The following PRIMA1 variants were observed in gnomAD, a reference collection of about 807,000 sequenced individuals.
PRIMA1 encodes proline rich membrane anchor 1.
A neutral mutation model predicts 17.5 loss-of-function variants in PRIMA1; 7 were observed. The ratio of observed to expected loss-of-function variants is 0.40; its 90% CI spans 0.23 to 0.75. PRIMA1 has a LOEUF of 0.75. Ranked by LOEUF, PRIMA1 falls within the 30% of genes least tolerant of loss-of-function variation. The probability of loss-of-function intolerance (pLI) is 0.37; values close to 1 mark genes in which losing one functional copy is unlikely to be tolerated. For missense variants in PRIMA1, 200 were observed against 201.8 expected, an observed-to-expected ratio of 0.99 and a Z score of 0.05; for synonymous variants, 97 against 77.9, an observed-to-expected ratio of 1.25 and a Z score of -1.29.
At chr14:93,729,796 G>A (rs1468880633) in intron 4 of PRIMA1, among the ~76,000 whole-genome samples, 1 of 152,186 alleles carries the variant, frequency 6.6e-6, no homozygotes, top group Non-Finnish European at 1.5e-5. Context: ...TGCGCAGGTG[G>A]GAGAGAGGCT....
chr14:93,727,452 G>C (rs1475844085), intron 4 of PRIMA1, among the ~76,000 whole-genome samples: 1 of 152,196 alleles, frequency 6.6e-6, no homozygotes, highest in Non-Finnish European at 1.5e-5. Context: ...CTCAGGCCTC[G>C]GTGACTGTCC....
At chr14:93,733,053 T>C (rs1026995541) in intron 4 of PRIMA1, among the ~76,000 whole-genome samples, 13 of 152,120 alleles carry the variant, frequency 8.5e-5, no homozygotes, top group African/African-American at 3.1e-4. Context: ...CCCGGGGCAA[T>C]GAAGCCACCA....
chr14:93,774,275 G>A (rs935880032), intron 3 of PRIMA1, among the ~76,000 whole-genome samples: 1 of 152,132 alleles, frequency 6.6e-6, no homozygotes, highest in Non-Finnish European at 1.5e-5. Flanking sequence ...CAGGACCTTC[G>A]GGGCTAAAAC....
Position 93,769,679 on chromosome 14 carries a change from G to A in PRIMA1, c.229+9497C>T, listed in dbSNP as rs151095758. ...ACTGGCTTCACTTGCTGTGCCTGTC[G>A]CTCAGCTTTGCGACCCACCAGGCCT... is the stretch of plus-strand genomic sequence containing the variant. On this transcript the variant is annotated intron_variant, in intron 3 of 4. Transcript: ENST00000393140. 1.1e-4 allele frequency among the ~76,000 whole-genome samples: 17 copies of A among 152,266 alleles called. No individual in the cohort carries two copies. In the East Asian group the frequency reaches 3.1e-3, roughly 28 times the overall value.
chr14:93,760,543 C>T (rs547108042), intron 3 of PRIMA1, among the ~76,000 whole-genome samples: 1 of 152,282 alleles, frequency 6.6e-6, no homozygotes, highest in African/African-American at 2.4e-5. Flanking sequence ...GGCAGCCATC[C>T]CTGATGGCTC....
chr14:93,753,274 G>A (rs1044838849), intron 3 of PRIMA1, among the ~76,000 whole-genome samples: 6 of 152,220 alleles, frequency 3.9e-5, no homozygotes, highest in Admixed American at 1.3e-4. Context: ...GCTACTCAGA[G>A]GCTGTGCAGT....
intron 4 of PRIMA1, among the ~76,000 whole-genome samples, chr14:93,730,589 C>T (rs780342384): frequency 6.6e-6 from 1 of 152,162 alleles, no homozygotes; most frequent in Admixed American, 6.5e-5. Context: ...TGGCCCTTGA[C>T]CATGAAGGTT....
chr14:93,737,216 C>G, intron 4 of PRIMA1, 25 bp downstream of exon 4: 1 of 1,612,358 alleles, frequency 6.2e-7, no homozygotes, highest in East Asian at 2.2e-5. Context: ...CGGCTTGAAG[C>G]TGGGTGCAGT....
intron 3 of PRIMA1, among the ~76,000 whole-genome samples, chr14:93,757,198 A>G (rs1271918255): frequency 7.0e-6 from 1 of 143,280 alleles, no homozygotes; most frequent in Non-Finnish European, 1.5e-5. Context: ...TGGGTTTAAA[A>G]AAAGGAAGGA....
At chr14:93,779,767 C>A (rs1402169251) in intron 2 of PRIMA1, among the ~76,000 whole-genome samples, 3 of 152,228 alleles carry the variant, frequency 2.0e-5, no homozygotes, top group Non-Finnish European at 4.4e-5. Context: ...GCCTTCTCTC[C>A]AGCCCTCGCT....
chr14:93,772,145 G>C (rs1885089051), intron 3 of PRIMA1, among the ~76,000 whole-genome samples: 1 of 152,218 alleles, frequency 6.6e-6, no homozygotes, highest in African/African-American at 2.4e-5. Flanking sequence ...GGGTAAAAAG[G>C]AAGCATCTTA....
intron 4 of PRIMA1, among the ~76,000 whole-genome samples, chr14:93,732,555 G>GTTTTC (rs1402267319): frequency 1.3e-5 from 2 of 152,208 alleles, no homozygotes; most frequent in Admixed American, 6.5e-5. Context: ...CCCCGAAAAG[G>GTTTTC]TATGTGCAGC....
At chr14:93,758,535 G>A (rs1172067738) in intron 3 of PRIMA1, among the ~76,000 whole-genome samples, 2 of 148,708 alleles carry the variant, frequency 1.3e-5, no homozygotes, top group East Asian at 4.0e-4. Context: ...GGAGGTGGAG[G>A]TTGCAGTGAG....
chr14:93,733,779 T>G (rs2076130893), intron 4 of PRIMA1, among the ~76,000 whole-genome samples: 1 of 152,238 alleles, frequency 6.6e-6, no homozygotes, highest in Non-Finnish European at 1.5e-5. Context: ...GATGAATTAT[T>G]GACCAAAAAC....
chr14:93,754,347 A>C (rs1219903242), intron 3 of PRIMA1, among the ~76,000 whole-genome samples: 1 of 151,210 alleles, frequency 6.6e-6, no homozygotes, highest in Non-Finnish European at 1.5e-5. Flanking sequence ...TCCCACTGCA[A>C]ACCAGGCAGA....
intron 3 of PRIMA1, among the ~76,000 whole-genome samples, chr14:93,776,615 C>A (rs1885228466): frequency 6.6e-6 from 1 of 152,202 alleles, no homozygotes; most frequent in Non-Finnish European, 1.5e-5. Context: ...ATGTCACTTC[C>A]CCACTTAACA....
chr14:93,726,177 C>T lies in PRIMA1; in HGVS notation c.360-4631G>A, dbSNP rs2076074630. 6.6e-6 allele frequency among the ~76,000 whole-genome samples: 1 copy of T among 152,164 alleles called. No homozygotes were observed. The highest frequency in any genetic ancestry group is 1.5e-5 in the Non-Finnish European group (1 of 68,020). ...AGTGCCGCGCGGACAGCTCCAGCCG[C>T]ACATGCCAGCAGCCACGAGGGGCCC... On this transcript the variant is annotated intron_variant, in intron 4 of 4. Transcript: ENST00000393140. The surrounding 1 kb of genome is among the most constrained non-coding windows in gnomAD (Gnocchi z 4.2).
intron 4 of PRIMA1, among the ~76,000 whole-genome samples, chr14:93,728,149 T>G (rs1325404649): frequency 6.6e-6 from 1 of 152,178 alleles, no homozygotes; most frequent in Admixed American, 6.5e-5. Flanking sequence ...CATTCACAGG[T>G]GGCTCCACCT....
chr14:93,771,933 T>A (rs150066509), intron 3 of PRIMA1, among the ~76,000 whole-genome samples: 1 of 152,284 alleles, frequency 6.6e-6, no homozygotes, highest in African/African-American at 2.4e-5. Context: ...TCAGATAGCC[T>A]TGAATAACCT....
Sources: allele counts gnomAD v4.1 joint callset (sites outside exome capture counted in the v4.1 genomes callset), GRCh38; gene constraint gnomAD v4.1.1; non-coding constraint Gnocchi (gnomAD v3.1); transcripts MANE v1.5; gene names NCBI Gene and HGNC (gene_info 2026-07-23, HGNC 2026-07-21).